The following KCND2 variants were observed in gnomAD, a reference collection of about 807,000 sequenced individuals.
KCND2 encodes A-type voltage-gated potassium channel KCND2.
KCND2 carries 16 observed loss-of-function variants against 54.4 expected under a neutral mutation model. The ratio of observed to expected loss-of-function variants is 0.29; its 90% CI spans 0.20 to 0.45. The LOEUF (loss-of-function observed/expected upper bound fraction) is 0.45. Among genes scored for constraint, KCND2 ranks in the 20% least tolerant of loss-of-function variants. The pLI is 1.00. For synonymous variants in KCND2, 317 were observed against 310.7 expected (o/e 1.02, Z -0.21); for missense variants, 486 against 824.2 (o/e 0.59, Z 5.02).
At chr7:120,364,670 A>C (rs561371680) in intron 1 of KCND2, among the ~76,000 whole-genome samples, 1 of 152,056 alleles carries the variant, frequency 6.6e-6, no homozygotes, top group Non-Finnish European at 1.5e-5. Context: ...CTAAGAGGAA[A>C]CATCAAGGGT....
chr7:120,722,935 G>T (rs972511337), intron 1 of KCND2, among the ~76,000 whole-genome samples: 3 of 152,098 alleles, frequency 2.0e-5, no homozygotes, highest in African/African-American at 7.2e-5. Context: ...AGTGGTGGCT[G>T]GTTATAAGAA....
At chr7:120,393,816 A>G (rs1366952098) in intron 1 of KCND2, among the ~76,000 whole-genome samples, 1 of 151,994 alleles carries the variant, frequency 6.6e-6, no homozygotes, top group East Asian at 1.9e-4. Context: ...TGAGAAAAAT[A>G]TTTGCAGTTC....
intron 1 of KCND2, among the ~76,000 whole-genome samples, chr7:120,318,111 C>G (rs1799839818): frequency 6.6e-6 from 1 of 152,044 alleles, no homozygotes; most frequent in African/African-American, 2.4e-5. Flanking sequence ...AATTTTTATT[C>G]TTTATTGCTG....
rs184388590 is a variant in KCND2 at position 120,516,313 on chromosome 7, A to G, written c.1116-216590A>G. On this transcript the variant is annotated intron_variant, in intron 1 of 5. Coordinates refer to ENST00000331113, the MANE Select transcript of KCND2 (RefSeq NM_012281.3). ...CGTATCCAAACAAATACACGCCAAG[A>G]GAGTGTCCTTTTTAAAATGTATCTT... Among the ~76,000 whole-genome samples the G allele has an allele frequency of 2.0e-5, 3 of 152,234 alleles. No individual in the cohort carries two copies. In the East Asian group the frequency reaches 5.8e-4, roughly 29 times the overall value.
intron 1 of KCND2, among the ~76,000 whole-genome samples, chr7:120,589,507 G>A (rs910089382): frequency 5.9e-5 from 9 of 152,124 alleles, no homozygotes; most frequent in African/African-American, 9.7e-5. Context: ...AGACAGAGTC[G>A]CTATTGAAGT....
chr7:120,437,863 C>A (rs1022692765), intron 1 of KCND2, among the ~76,000 whole-genome samples: 2 of 152,160 alleles, frequency 1.3e-5, no homozygotes, highest in African/African-American at 4.8e-5. Context: ...ATGTGATCTG[C>A]CTTTATCCAA....
At chr7:120,696,141 A>G (rs900849406) in intron 1 of KCND2, among the ~76,000 whole-genome samples, 1 of 152,210 alleles carries the variant, frequency 6.6e-6, no homozygotes, top group South Asian at 2.1e-4. Flanking sequence ...TTTTCAGAAA[A>G]AGCTGGTTTT....
At chr7:120,576,157 T>C (rs1792430328) in intron 1 of KCND2, among the ~76,000 whole-genome samples, 1 of 152,146 alleles carries the variant, frequency 6.6e-6, no homozygotes, top group South Asian at 2.1e-4. Context: ...TTCAGTTAGA[T>C]TTTATGCATG....
At chr7:120,666,136 T>C (rs979691049) in intron 1 of KCND2, among the ~76,000 whole-genome samples, 1 of 152,084 alleles carries the variant, frequency 6.6e-6, no homozygotes, top group Admixed American at 6.6e-5. Flanking sequence ...TGTCCAGCAT[T>C]ATATCATGAA....
At chr7:120,534,520 G>A (rs1308689491) in intron 1 of KCND2, among the ~76,000 whole-genome samples, 1 of 152,076 alleles carries the variant, frequency 6.6e-6, no homozygotes, top group African/African-American at 2.4e-5. Flanking sequence ...AAGGATGCAT[G>A]ACACCTAAAT....
chr7:120,344,446 T>A (rs1584739515), intron 1 of KCND2, among the ~76,000 whole-genome samples: 1 of 152,282 alleles, frequency 6.6e-6, no homozygotes. Context: ...TTTAGCCTCA[T>A]ATTGCATATT....
At chr7:120,326,834 T>A (rs1799985566) in intron 1 of KCND2, among the ~76,000 whole-genome samples, 2 of 152,078 alleles carry the variant, frequency 1.3e-5, no homozygotes, top group Non-Finnish European at 2.9e-5. Flanking sequence ...TGTCTAGACC[T>A]TGGGGATTGT....
intron 1 of KCND2, among the ~76,000 whole-genome samples, chr7:120,646,869 C>A (rs1176904755): frequency 6.6e-6 from 1 of 152,132 alleles, no homozygotes; most frequent in Non-Finnish European, 1.5e-5. Flanking sequence ...GTTTTTAAAT[C>A]TTCTCCCTTG....
chr7:120,293,098 A>G (rs1799459159), intron 1 of KCND2, among the ~76,000 whole-genome samples: 1 of 151,922 alleles, frequency 6.6e-6, no homozygotes, highest in Non-Finnish European at 1.5e-5. Flanking sequence ...CTGTTGATTC[A>G]TAGTTGAGAA....
intron 1 of KCND2, among the ~76,000 whole-genome samples, chr7:120,330,185 T>C (rs1800042671): frequency 1.3e-5 from 2 of 152,092 alleles, no homozygotes; most frequent in African/African-American, 4.8e-5. Context: ...GTCAGTTTCT[T>C]CCTCTCTAAA....
intron 1 of KCND2, among the ~76,000 whole-genome samples, chr7:120,294,253 A>G (rs1319517104): frequency 6.6e-6 from 1 of 151,990 alleles, no homozygotes; most frequent in Non-Finnish European, 1.5e-5. Flanking sequence ...ATATACATTC[A>G]TTATAGCAGA....
At chr7:120,519,518 C>G (rs776820206) in intron 1 of KCND2, among the ~76,000 whole-genome samples, 3 of 152,134 alleles carry the variant, frequency 2.0e-5, no homozygotes, top group Non-Finnish European at 2.9e-5. Flanking sequence ...CCTCATAATT[C>G]CACAGAGTCC....
intron 2 of KCND2, among the ~76,000 whole-genome samples, chr7:120,740,692 G>A (rs538726833): frequency 3.9e-5 from 6 of 152,082 alleles, no homozygotes; most frequent in Admixed American, 3.9e-4. Flanking sequence ...CAATTGAACT[G>A]GCCACCTAAA....
intron 1 of KCND2, among the ~76,000 whole-genome samples, chr7:120,499,718 C>T (rs1802905042): frequency 6.6e-6 from 1 of 152,126 alleles, no homozygotes; most frequent in African/African-American, 2.4e-5. Flanking sequence ...CATGTCATTG[C>T]CAAAATGTTT....
Sources: allele counts gnomAD v4.1 joint callset (sites outside exome capture counted in the v4.1 genomes callset), GRCh38; gene constraint gnomAD v4.1.1; transcripts MANE v1.5; gene names NCBI Gene and HGNC (gene_info 2026-07-23, HGNC 2026-07-21).